Variants in NRXN1 observed in about 807,000 individuals in gnomAD.
NRXN1 encodes neurexin-1.
NRXN1 carries 39 observed loss-of-function variants against 150.9 expected under a neutral mutation model. The ratio of observed to expected loss-of-function variants is 0.26; its 90% CI spans 0.20 to 0.34. The LOEUF (loss-of-function observed/expected upper bound fraction) is 0.34. Among genes scored for constraint, NRXN1 ranks in the 10% least tolerant of loss-of-function variants. NRXN1 has a pLI of 1.00. For missense variants in NRXN1, 1,815 were observed against 1,949.9 expected (o/e 0.93, Z 1.30); for synonymous variants, 924 against 757.0 (o/e 1.22, Z -3.62).
intron 17 of NRXN1, among the ~76,000 whole-genome samples, chr2:50,348,831 G>A (rs1472916769): frequency 6.7e-6 from 1 of 148,702 alleles, no homozygotes; most frequent in African/African-American, 2.5e-5. Context: ...ATGTCCAGTG[G>A]CTGGACTTTT....
At chr2:50,739,245 T>C (rs759418452) in intron 5 of NRXN1, 2 of 508,708 alleles carry the variant, frequency 3.9e-6, no homozygotes, top group African/African-American at 1.9e-5. Flanking sequence ...ATTGAGGATA[T>C]TTTATTAATG....
intron 12 of NRXN1, among the ~76,000 whole-genome samples, chr2:50,508,905 C>A (rs535807108): frequency 6.6e-6 from 1 of 152,270 alleles, no homozygotes; most frequent in Non-Finnish European, 1.5e-5. Flanking sequence ...CACTTCAACA[C>A]AATGTTACCC....
chr2:50,656,172 C>T (rs1047972812), intron 5 of NRXN1, among the ~76,000 whole-genome samples: 5 of 151,928 alleles, frequency 3.3e-5, no homozygotes, highest in African/African-American at 1.2e-4. Context: ...TACCCCACCT[C>T]TCATACACCA....
intron 17 of NRXN1, among the ~76,000 whole-genome samples, chr2:50,341,414 C>CAAAA (rs1278412869): frequency 6.8e-6 from 1 of 147,980 alleles, no homozygotes; most frequent in African/African-American, 2.6e-5. Flanking sequence ...AAAAAAAAAT[C>CAAAA]ATTGGGAACC....
At position 50,236,900 on chromosome 2, in the gene NRXN1, G is replaced by A. The variant is rs1574657808; in HGVS notation, c.3435C>T (p.Pro1145=). Reference sequence around the variant, plus strand: ...TGGCCAGTCTGTCTGCTCGTGTACTGGGTCGGTCATTAGGAGGCCACTTAT... The same window carrying A: ...TGGCCAGTCTGTCTGCTCGTGTACTAGGTCGGTCATTAGGAGGCCACTTAT... ...ITYKWPPNDR[P]STRADRLAIG... The change falls in exon 18 of 23, where the codon CCC becomes CCT. Residue 1145 remains proline, a synonymous_variant. Coordinates refer to ENST00000401669, the MANE Select transcript of NRXN1 (RefSeq NM_001330078.2). The A allele has an allele frequency of 2.5e-6, 4 of 1,613,316 alleles. No homozygotes were observed. Among genetic ancestry groups the A allele is most frequent in the Non-Finnish European group, 3.4e-6 (4 of 1,179,616 alleles).
intron 21 of NRXN1, among the ~76,000 whole-genome samples, chr2:50,027,162 G>A (rs984868934): frequency 4.6e-5 from 7 of 151,874 alleles, no homozygotes; most frequent in African/African-American, 1.2e-4. Flanking sequence ...GATTACAGGC[G>A]TGAGCCACTG....
intron 8 of NRXN1, among the ~76,000 whole-genome samples, chr2:50,554,167 T>C (rs1667903142): frequency 6.6e-6 from 1 of 152,090 alleles, no homozygotes; most frequent in Admixed American, 6.6e-5. Context: ...TATATATATG[T>C]ATATGTATAC....
intron 18 of NRXN1, among the ~76,000 whole-genome samples, chr2:50,096,153 C>T (rs532562654): frequency 5.9e-5 from 9 of 152,012 alleles, no homozygotes; most frequent in African/African-American, 2.2e-4. Flanking sequence ...ACAACAGGCC[C>T]GACCCTAATT....
At chr2:50,006,526 TC>T (rs763099716) in intron 21 of NRXN1, among the ~76,000 whole-genome samples, 1 of 152,148 alleles carries the variant, frequency 6.6e-6, no homozygotes, top group Non-Finnish European at 1.5e-5. Context: ...TGCCAGTCAT[TC>T]CCTGAGGCAT....
chr2:49,998,950 T>C (rs976766510), intron 21 of NRXN1, among the ~76,000 whole-genome samples: 4 of 152,104 alleles, frequency 2.6e-5, no homozygotes, highest in African/African-American at 9.7e-5. Context: ...AAGCAAGACA[T>C]TCCCAGTGTG....
At chr2:50,858,573 C>G in intron 5 of NRXN1, among the ~76,000 whole-genome samples, 1 of 139,796 alleles carries the variant, frequency 7.2e-6, no homozygotes, top group East Asian at 2.0e-4. Context: ...CAAAAGGCTA[C>G]TTAAAAAAAA....
intron 18 of NRXN1, among the ~76,000 whole-genome samples, chr2:50,124,788 A>G (rs1175937219): frequency 6.6e-6 from 1 of 152,078 alleles, no homozygotes; most frequent in Non-Finnish European, 1.5e-5. Context: ...ACCAACCATA[A>G]CTTAAATGTT....
At position 50,350,180 on chromosome 2, in the gene NRXN1, A is replaced by T. The variant is rs555222234; in HGVS notation, c.3365-113210T>A. Among the ~76,000 whole-genome samples, 135 of 152,318 alleles carry T rather than the reference A, an allele frequency of 8.9e-4. 2 individuals are homozygous for T. Among genetic ancestry groups the T allele is most frequent in the Middle Eastern group, 3.4e-3 (1 of 294 alleles). ...TTTTATGTGTTTCTGAATGATAATGACACCTTCCTTAATACATAATGTTGA... is the reference window on the plus strand; with the variant it reads ...TTTTATGTGTTTCTGAATGATAATGTCACCTTCCTTAATACATAATGTTGA... On this transcript the variant is annotated intron_variant, in intron 17 of 22. Transcript: ENST00000401669.
intron 17 of NRXN1, among the ~76,000 whole-genome samples, chr2:50,350,740 C>G (rs11685103): frequency 0.15 from 23,149 of 152,094 alleles, 2,051 homozygotes; most frequent in African/African-American, 0.24. Context: ...CTCCCTCACT[C>G]CCCTGCCTGT....
At chr2:50,964,029 T>C (rs777843395) in intron 2 of NRXN1, 5 of 432,258 alleles carry the variant, frequency 1.2e-5, no homozygotes, top group Non-Finnish European at 2.3e-5. Context: ...ATTTAATTTT[T>C]TGCCTACTAT....
intron 8 of NRXN1, among the ~76,000 whole-genome samples, chr2:50,583,662 G>A (rs1407691308): frequency 1.3e-5 from 2 of 152,142 alleles, no homozygotes; most frequent in Admixed American, 6.6e-5. Flanking sequence ...TTCTGTACCC[G>A]AAGTGGTACA....
chr2:50,029,583 G>A (rs1688885828), intron 21 of NRXN1, among the ~76,000 whole-genome samples: 1 of 152,092 alleles, frequency 6.6e-6, no homozygotes, highest in Non-Finnish European at 1.5e-5. Context: ...AGGCCATGTG[G>A]ACACACAGCA....
intron 17 of NRXN1, among the ~76,000 whole-genome samples, chr2:50,454,467 C>T (rs1282428085): frequency 2.0e-5 from 3 of 152,194 alleles, no homozygotes; most frequent in South Asian, 2.1e-4. Flanking sequence ...TGAACATATA[C>T]ACATACACAC....
At chr2:50,228,153 G>A (rs1016948345) in intron 18 of NRXN1, among the ~76,000 whole-genome samples, 1 of 151,892 alleles carries the variant, frequency 6.6e-6, no homozygotes, top group Non-Finnish European at 1.5e-5. Flanking sequence ...ATTATGAAAA[G>A]ATAATAGAAA....
Sources: allele counts gnomAD v4.1 joint callset (sites outside exome capture counted in the v4.1 genomes callset), GRCh38; gene constraint gnomAD v4.1.1; transcripts MANE v1.5; gene names NCBI Gene and HGNC (gene_info 2026-07-23, HGNC 2026-07-21).